ATP2C1: variants seen among roughly 807,000 people sequenced by gnomAD.
The protein encoded by ATP2C1 is calcium-transporting ATPase type 2C member 1.
In ATP2C1, 31 loss-of-function variants were observed where a neutral mutation model predicts 120.5. The ratio of observed to expected loss-of-function variants is 0.26; its 90% CI spans 0.19 to 0.35. ATP2C1 has a LOEUF of 0.35. Among genes scored for constraint, ATP2C1 ranks in the 10% least tolerant of loss-of-function variants. ATP2C1 has a pLI of 1.00. For missense variants in ATP2C1, 731 were observed against 1,107.5 expected (o/e 0.66, Z 4.83); for synonymous variants, 351 against 358.7 (o/e 0.98, Z 0.24).
chr3:130,992,930 G>T, intron 20 of ATP2C1, 21 bp from the exon 21 acceptor site: 1 of 1,597,180 alleles, frequency 6.3e-7, no homozygotes, highest in South Asian at 1.1e-5. Flanking sequence ...AAGATTTTTA[G>T]TGTATCTTGT....
rs180910661 is a variant in ATP2C1, at chr3:130,877,767, A to G, written c.108+26839A>G. ...GATCTAGAACTAGAAATATCATTTGACCTAGCCATCCCATTACTGGGTATA... is the reference window on the plus strand; with the variant it reads ...GATCTAGAACTAGAAATATCATTTGGCCTAGCCATCCCATTACTGGGTATA... On this transcript the variant is annotated intron_variant, in intron 1 of 26. Transcript: ENST00000504381. 2.2e-3 allele frequency among the ~76,000 whole-genome samples: 341 copies of G among 152,166 alleles called. 1 individual carries two copies. The highest frequency in any genetic ancestry group is 8.0e-3 in the African/African-American group (332 of 41,504).
At chr3:130,999,469 T>C in intron 26 of ATP2C1, 49 bp from the exon 27 acceptor site, 1 of 1,603,252 alleles carries the variant, frequency 6.2e-7, no homozygotes, top group Non-Finnish European at 8.5e-7. Flanking sequence ...ATAAAGAAGT[T>C]ATTTCTGTGA....
At chr3:130,887,955 G>A (rs978149158) in intron 1 of ATP2C1, among the ~76,000 whole-genome samples, 3 of 152,176 alleles carry the variant, frequency 2.0e-5, no homozygotes, top group Non-Finnish European at 4.4e-5. Context: ...TTGAAGACAC[G>A]TCTCAGAGTC....
intron 1 of ATP2C1, among the ~76,000 whole-genome samples, chr3:130,880,441 T>C (rs944384881): frequency 3.3e-5 from 5 of 152,162 alleles, no homozygotes; most frequent in African/African-American, 1.2e-4. Flanking sequence ...TATTAAAAAC[T>C]TAAAATATGA....
intron 17 of ATP2C1, among the ~76,000 whole-genome samples, chr3:130,972,301 C>G (rs2061351023): frequency 6.6e-6 from 1 of 152,072 alleles, no homozygotes; most frequent in African/African-American, 2.4e-5. Context: ...GGTCCACTGC[C>G]TGGGAGTTGG....
chr3:130,997,555 A>C (rs751629230), intron 24 of ATP2C1, 51 bp from the exon 25 acceptor site: 23 of 1,572,512 alleles, frequency 1.5e-5, no homozygotes, highest in Non-Finnish European at 1.8e-5. Context: ...GAAAGTAACA[A>C]ATCCAGACCT....
chr3:130,989,649 T>C (rs905838779), intron 20 of ATP2C1, among the ~76,000 whole-genome samples: 1 of 152,176 alleles, frequency 6.6e-6, no homozygotes, highest in African/African-American at 2.4e-5. Flanking sequence ...TTCTACTCTA[T>C]GGAGTGTACT....
chr3:130,893,926 C>T, upstream of ATP2C1: 2 of 985,684 alleles, frequency 2.0e-6, no homozygotes, highest in Non-Finnish European at 2.4e-6. Context: ...CACTTCACTT[C>T]CGCCTTCCCA....
intron 21 of ATP2C1, 24 bp from the exon 22 acceptor site, chr3:130,993,907 TC>T: frequency 6.2e-7 from 1 of 1,613,820 alleles, no homozygotes; most frequent in Non-Finnish European, 8.5e-7. Flanking sequence ...TTCCTTCCTC[TC>T]CCCTGTCCTC....
intron 2 of ATP2C1, chr3:130,918,237 A>T (rs946104177): frequency 1.3e-6 from 2 of 1,486,122 alleles, no homozygotes; most frequent in African/African-American, 2.8e-5. Flanking sequence ...CATGAACAAG[A>T]GCCCTCTCCT....
At chr3:130,993,419 G>A (rs897357911) in intron 21 of ATP2C1, among the ~76,000 whole-genome samples, 1 of 152,216 alleles carries the variant, frequency 6.6e-6, no homozygotes, top group Admixed American at 6.5e-5. Context: ...CCAACTGATA[G>A]AGTATCCAGT....
intron 3 of ATP2C1, among the ~76,000 whole-genome samples, chr3:130,931,193 T>A (rs77196830): frequency 0.027 from 4,083 of 152,208 alleles, 185 homozygotes; most frequent in African/African-American, 0.093. Flanking sequence ...ATTTGTAATA[T>A]GTTTGTTTTG....
intron 2 of ATP2C1, among the ~76,000 whole-genome samples, chr3:130,919,905 A>C (rs1176624649): frequency 6.6e-6 from 1 of 152,096 alleles, no homozygotes; most frequent in Non-Finnish European, 1.5e-5. Flanking sequence ...GTGTGAGGTA[A>C]TATTGTGTTG....
chr3:130,918,949 G>A (rs1016321473), intron 2 of ATP2C1: 10 of 360,932 alleles, frequency 2.8e-5, no homozygotes, highest in South Asian at 1.3e-4. Flanking sequence ...CCTAGATCGC[G>A]CCACTGCACT....
At chr3:130,907,980 T>C (rs1165868998) in intron 2 of ATP2C1, among the ~76,000 whole-genome samples, 1 of 152,064 alleles carries the variant, frequency 6.6e-6, no homozygotes, top group Non-Finnish European at 1.5e-5. Context: ...GGCCAAAAGG[T>C]ACATGAAAAG....
intron 26 of ATP2C1, chr3:131,014,499 C>T: frequency 2.0e-6 from 2 of 987,246 alleles, no homozygotes; most frequent in Non-Finnish European, 2.9e-6. Flanking sequence ...GCTCTTATTG[C>T]TCTATAATAT....
chr3:130,908,137 A>G (rs561987608), intron 2 of ATP2C1, among the ~76,000 whole-genome samples: 8 of 152,254 alleles, frequency 5.3e-5, no homozygotes, highest in African/African-American at 1.7e-4. Context: ...GAAGTTTTTG[A>G]CACAGTCCCT....
At position 130,903,944 on chromosome 3, in the gene ATP2C1, T is replaced by C. The variant is rs145088435; in HGVS notation, c.6+9169T>C. Among the ~76,000 whole-genome samples the C allele has an allele frequency of 2.0e-5, 3 of 152,178 alleles. No homozygotes were observed. The East Asian group carries it at 5.8e-4, about 29-fold the overall frequency. ...AGATGTATCAGTAGATGGAGTATTA[T>C]GCCCACTTTTTAATTTAATGATCAA... On this transcript the variant is annotated intron_variant, in intron 2 of 27. Coordinates refer to ENST00000510168, the MANE Select transcript of ATP2C1 (RefSeq NM_001378687.1).
At chr3:130,942,031 A>G (rs572758972) in intron 8 of ATP2C1, among the ~76,000 whole-genome samples, 1 of 152,332 alleles carries the variant, frequency 6.6e-6, no homozygotes, top group South Asian at 2.1e-4. Flanking sequence ...AGAACTCAGT[A>G]ATTGAGTAAG....
Sources: allele counts gnomAD v4.1 joint callset (sites outside exome capture counted in the v4.1 genomes callset), GRCh38; gene constraint gnomAD v4.1.1; transcripts MANE v1.5; gene names NCBI Gene and HGNC (gene_info 2026-07-23, HGNC 2026-07-21).